Variants in TOMM20L observed in about 807,000 individuals in gnomAD.
The protein encoded by TOMM20L is TOMM20-like protein 1.
A neutral mutation model predicts 20.4 loss-of-function variants in TOMM20L; 19 were observed. The ratio of observed to expected loss-of-function variants is 0.93; its 90% CI spans 0.65 to 1.36. The LOEUF is 1.36. Ranked by LOEUF, TOMM20L falls within the 40% of genes most tolerant of loss-of-function variation. TOMM20L has a pLI of 0.00. For missense variants in TOMM20L, 218 were observed against 203.7 expected (o/e 1.07, Z -0.43); for synonymous variants, 75 against 79.6 (o/e 0.94, Z 0.30).
At chr14:58,402,175 T>C (rs1277852813) in intron 2 of TOMM20L, among the ~76,000 whole-genome samples, 1 of 152,244 alleles carries the variant, frequency 6.6e-6, no homozygotes, top group Non-Finnish European at 1.5e-5. Flanking sequence ...TTCATGTTTT[T>C]TTAAAACACT....
chr14:58,407,271 A>G, intron 3 of TOMM20L, 55 bp from the exon 4 acceptor site: 1 of 1,511,594 alleles, frequency 6.6e-7, no homozygotes, highest in South Asian at 1.3e-5. Context: ...GATTTGTAGA[A>G]TGTCTGTTTT....
At chr14:58,413,908 G>T in the TOMM20L span, among the ~76,000 whole-genome samples, 1 of 148,544 alleles carries the variant, frequency 6.7e-6, no homozygotes, top group Non-Finnish European at 1.5e-5. Flanking sequence ...TTGGGAGGCT[G>T]AGGCAGAAGA....
chr14:58,408,726 T>C (rs1353036136), downstream of TOMM20L: 1 of 822,248 alleles, frequency 1.2e-6, no homozygotes, highest in Non-Finnish European at 1.8e-6. Flanking sequence ...ATAAGTTGCT[T>C]TAAAATTAAC....
downstream of TOMM20L, chr14:58,410,921 C>T (rs750997820): frequency 6.2e-7 from 1 of 1,612,182 alleles, no homozygotes; most frequent in Non-Finnish European, 8.5e-7. Context: ...TATTGTAGGT[C>T]CCCAGAAATT....
Position 58,408,634 on chromosome 14 carries a change from G to C in TOMM20L, c.*52G>C, listed in dbSNP as rs372764103. 9.8e-6 allele frequency: 15 copies of C among 1,526,610 alleles called. No homozygotes were observed. In the East Asian group the frequency reaches 1.8e-4, roughly 19 times the overall value. The allele number at this position is 1,526,610 out of a possible 1,614,324, so 94.6% of individuals were successfully genotyped here. A position where few individuals can be genotyped will look rare whatever the true frequency, so the allele number is the denominator to read the frequency against. On this transcript the variant is annotated 3_prime_UTR_variant, in exon 5 of 5. Transcript: ENST00000360945. ...AGTGAGAATACTATGGTACCATACA[G>C]TATAAACAACTGCTCAGTGATATTT...
intron 3 of TOMM20L, 30 bp from the exon 4 acceptor site, chr14:58,407,296 T>G: frequency 6.4e-7 from 1 of 1,561,996 alleles, no homozygotes; most frequent in Non-Finnish European, 8.6e-7. Context: ...AACTTCAAAA[T>G]TTTGCTCAAA....
downstream of TOMM20L, among the ~76,000 whole-genome samples, chr14:58,409,654 C>T (rs1243165958): frequency 2.6e-5 from 4 of 152,128 alleles, no homozygotes; most frequent in Non-Finnish European, 4.4e-5. Context: ...TCTCGGCTCA[C>T]TGCAAGCTCC....
chr14:58,396,313 C>A lies in TOMM20L; in HGVS notation c.152C>A (p.Pro51His), dbSNP rs756935380. 2.5e-6 allele frequency: 4 copies of A among 1,613,340 alleles called. No individual in the cohort carries two copies. The Admixed American group carries it at 6.7e-5, about 27-fold the overall frequency. The stretch of plus-strand genomic sequence containing the variant: ...GTGTTCGCAGAAAGAAGAGCAGAGC[C>A]TCAAAAGGCTGAGGAGCAGGGCACG... ...RRLRDKRRAEPQKAEEQGTQL... is the reference protein window; with the variant it reads ...RRLRDKRRAEHQKAEEQGTQL... The change falls in exon 2 of 5, where the codon CCT (proline) becomes CAT (histidine). Residue 51 changes from proline (P) to histidine (H), a missense_variant. Pro to His is a moderately conservative substitution (Grantham distance 77, BLOSUM62 -2). Transcript: ENST00000360945.
intron 3 of TOMM20L, among the ~76,000 whole-genome samples, chr14:58,405,507 ATTAT>A (rs1374706263): frequency 1.3e-5 from 2 of 152,078 alleles, no homozygotes; most frequent in Non-Finnish European, 2.9e-5. Flanking sequence ...AAACTGTGAA[ATTAT>A]TTAATAGCTT....
chr14:58,413,034 A>C (rs1399938118), downstream of TOMM20L, among the ~76,000 whole-genome samples: 2 of 152,222 alleles, frequency 1.3e-5, no homozygotes, highest in African/African-American at 4.8e-5. Flanking sequence ...TATTATACTC[A>C]GTCGAATACA....
downstream of TOMM20L, among the ~76,000 whole-genome samples, chr14:58,412,565 G>T (rs2036255544): frequency 6.6e-6 from 1 of 151,990 alleles, no homozygotes; most frequent in Admixed American, 6.6e-5. Flanking sequence ...TCCTAGGAGG[G>T]TTATAAAGGA....
chr14:58,415,018 G>A, the TOMM20L span, among the ~76,000 whole-genome samples: 2 of 152,122 alleles, frequency 1.3e-5, no homozygotes, highest in Admixed American at 1.3e-4. Flanking sequence ...AATGTCAGTG[G>A]AGGCCACATG....
chr14:58,397,691 G>T (rs145790515), intron 2 of TOMM20L, among the ~76,000 whole-genome samples: 9 of 152,314 alleles, frequency 5.9e-5, no homozygotes, highest in East Asian at 1.9e-4. Context: ...GGAATAGTGG[G>T]TGGTAAGGTT....
intron 3 of TOMM20L, among the ~76,000 whole-genome samples, chr14:58,406,332 C>T (rs1268983635): frequency 6.6e-6 from 1 of 152,184 alleles, no homozygotes; most frequent in Non-Finnish European, 1.5e-5. Flanking sequence ...TAAATCAGGA[C>T]ATATCCCTAT....
chr14:58,400,414 T>A (rs2035979463), intron 2 of TOMM20L, among the ~76,000 whole-genome samples: 1 of 139,832 alleles, frequency 7.2e-6, no homozygotes, highest in African/African-American at 2.7e-5. Flanking sequence ...AGAGTGAGAC[T>A]CTGTCTCCAA....
chr14:58,400,994 C>T (rs1424816139), intron 2 of TOMM20L, among the ~76,000 whole-genome samples: 1 of 152,234 alleles, frequency 6.6e-6, no homozygotes, highest in Non-Finnish European at 1.5e-5. Context: ...CACTGAACCA[C>T]ATCTCAAACA....
At chr14:58,397,746 G>T (rs569383608) in intron 2 of TOMM20L, among the ~76,000 whole-genome samples, 2 of 152,302 alleles carry the variant, frequency 1.3e-5, no homozygotes, top group Admixed American at 6.5e-5. Context: ...TGCTTTGAAG[G>T]CCAGGTTAAG....
intron 3 of TOMM20L, among the ~76,000 whole-genome samples, chr14:58,406,031 C>T (rs1479738841): frequency 1.3e-5 from 2 of 152,098 alleles, no homozygotes; most frequent in Non-Finnish European, 2.9e-5. Flanking sequence ...AATTTTTCAC[C>T]CAGTTTTCTG....
intron 1 of TOMM20L, 56 bp downstream of exon 1, chr14:58,396,149 G>A (rs570328107): frequency 1.6e-6 from 2 of 1,278,678 alleles, no homozygotes; most frequent in Admixed American, 4.3e-5. Flanking sequence ...GCGGGCTGCC[G>A]GCCGGGAGGG....
Sources: allele counts gnomAD v4.1 joint callset (sites outside exome capture counted in the v4.1 genomes callset), GRCh38; gene constraint gnomAD v4.1.1; transcripts MANE v1.5; gene names NCBI Gene and HGNC (gene_info 2026-07-23, HGNC 2026-07-21).